Variants in CABCOCO1 observed in about 807,000 individuals in gnomAD.
CABCOCO1 encodes ciliary associated calcium binding coiled-coil 1, also known as ciliary-associated calcium-binding coiled-coil protein 1.
CABCOCO1 carries 28 observed loss-of-function variants against 35.7 expected under a neutral mutation model. That is an observed-to-expected ratio of 0.78 (90% CI 0.58 to 1.07). CABCOCO1 has a LOEUF of 1.07. Ranked by LOEUF, CABCOCO1 falls within the 50% of genes least tolerant of loss-of-function variation. The probability of loss-of-function intolerance (pLI) is 0.00; values close to 1 mark genes in which losing one functional copy is unlikely to be tolerated. For missense variants in CABCOCO1, 326 were observed against 309.2 expected, an observed-to-expected ratio of 1.05 and a Z score of -0.41; for synonymous variants, 95 against 100.1, an observed-to-expected ratio of 0.95 and a Z score of 0.30.
Position 61,760,078 on chromosome 10 carries a change from A to G in CABCOCO1, c.572A>G (p.Lys191Arg). Residue 191 changes from lysine to arginine, a missense_variant, in exon 6 of 8, where the codon AAG (lysine) becomes AGG (arginine). Lys to Arg is a conservative substitution (Grantham distance 26). Transcript: ENST00000648843. ...CATCAGCAAGTGATAGAGGTTGTCAAGTCTGCATGTGGCCCTTTCCCAAAT... is the reference window on the plus strand; with the variant it reads ...CATCAGCAAGTGATAGAGGTTGTCAGGTCTGCATGTGGCCCTTTCCCAAAT... ...IGTEQVIEVV[K>R]SACGPFPNPL... 6.2e-7 allele frequency: 1 copy of G among 1,612,936 alleles called. No homozygotes were observed. Among genetic ancestry groups the G allele is most frequent in the South Asian group, 1.1e-5 (1 of 91,040 alleles).
At chr10:61,736,893 T>C (rs375927983) in intron 5 of CABCOCO1, among the ~76,000 whole-genome samples, 3 of 152,100 alleles carry the variant, frequency 2.0e-5, no homozygotes, top group Non-Finnish European at 4.4e-5. Flanking sequence ...ATTTTATTGT[T>C]TTTTTGTGGC....
chr10:61,764,449 A>C (rs184112018), intron 7 of CABCOCO1, among the ~76,000 whole-genome samples: 4 of 152,232 alleles, frequency 2.6e-5, no homozygotes, highest in Admixed American at 2.6e-4. Context: ...GAATTCAAAA[A>C]CTAAAGTTTG....
At chr10:61,677,306 G>C (rs1024347316) in intron 2 of CABCOCO1, among the ~76,000 whole-genome samples, 2 of 151,914 alleles carry the variant, frequency 1.3e-5, no homozygotes, top group Non-Finnish European at 2.9e-5. Flanking sequence ...TTGGAGTTTT[G>C]GAAAGATCTT....
intron 5 of CABCOCO1, among the ~76,000 whole-genome samples, chr10:61,697,902 T>A (rs1480399127): frequency 6.6e-6 from 1 of 152,124 alleles, no homozygotes; most frequent in Non-Finnish European, 1.5e-5. Flanking sequence ...CTACCATATT[T>A]AAAATTTCAA....
chr10:61,668,467 T>G (rs774135879), intron 1 of CABCOCO1, among the ~76,000 whole-genome samples: 1 of 152,024 alleles, frequency 6.6e-6, no homozygotes, highest in Non-Finnish European at 1.5e-5. Context: ...CATGGTGACT[T>G]TTTAGAAAGC....
intron 1 of CABCOCO1, 158 bp downstream of exon 1, chr10:61,663,190 G>C (rs1589103065): frequency 5.3e-6 from 1 of 188,640 alleles, no homozygotes; most frequent in South Asian, 8.8e-5. Flanking sequence ...AGGGCGGCAG[G>C]GCTGGGAGCT....
At chr10:61,732,463 A>G (rs1841325415) in intron 5 of CABCOCO1, among the ~76,000 whole-genome samples, 1 of 136,056 alleles carries the variant, frequency 7.3e-6, no homozygotes, top group Non-Finnish European at 1.7e-5. Context: ...TAAATCTATC[A>G]ATAGTTGACT....
intron 5 of CABCOCO1, among the ~76,000 whole-genome samples, chr10:61,753,106 T>G (rs1841826240): frequency 6.6e-6 from 1 of 152,152 alleles, no homozygotes; most frequent in Non-Finnish European, 1.5e-5. Flanking sequence ...AAGAGTATTC[T>G]CTAATATGAG....
chr10:61,694,334 T>C (rs575562803), intron 5 of CABCOCO1, among the ~76,000 whole-genome samples: 48 of 148,716 alleles, frequency 3.2e-4, no homozygotes, highest in African/African-American at 1.1e-3. Context: ...TTTTAATACT[T>C]AATTATTATT....
intron 5 of CABCOCO1, among the ~76,000 whole-genome samples, chr10:61,704,628 C>T (rs749445092): frequency 2.0e-5 from 3 of 152,144 alleles, no homozygotes; most frequent in Non-Finnish European, 4.4e-5. Context: ...AGCTAAACTG[C>T]GCTCAGATCC....
chr10:61,724,761 T>C (rs1490693128), intron 5 of CABCOCO1, among the ~76,000 whole-genome samples: 3 of 152,116 alleles, frequency 2.0e-5, no homozygotes, highest in African/African-American at 7.2e-5. Context: ...GTAACACATG[T>C]TAAAGGGTTA....
rs1405326554 is a variant in CABCOCO1, at chr10:61,757,684, T to TAC, written c.553-2361_553-2360dup. 1.9e-4 allele frequency among the ~76,000 whole-genome samples: 20 copies of TAC among 105,334 alleles called. No homozygotes were observed. In the South Asian group the frequency reaches 2.1e-3, roughly 11 times the overall value. 69.1% of individuals were successfully genotyped at this position (105,334 alleles called of 152,430 possible). A position where few individuals can be genotyped will look rare whatever the true frequency, so the allele number is the denominator to read the frequency against. On this transcript the variant is annotated intron_variant, in intron 5 of 7. Transcript: ENST00000648843. ...TCCAAGTTTCCAAGTGTGTGCCCAG[T>TAC]ACACACACACACACAGACACACACA...
intron 2 of CABCOCO1, among the ~76,000 whole-genome samples, chr10:61,675,161 A>T (rs1398463914): frequency 2.0e-5 from 3 of 152,166 alleles, no homozygotes; most frequent in Non-Finnish European, 4.4e-5. Flanking sequence ...AAACACAGTG[A>T]ATCATCTTTC....
intron 5 of CABCOCO1, among the ~76,000 whole-genome samples, chr10:61,692,413 T>A (rs1265193054): frequency 6.6e-6 from 1 of 152,144 alleles, no homozygotes; most frequent in Non-Finnish European, 1.5e-5. Flanking sequence ...AGACTAAAGA[T>A]GCCATTAAAG....
At chr10:61,691,269 GAAGAC>G (rs1840131746) in intron 5 of CABCOCO1, among the ~76,000 whole-genome samples, 1 of 152,032 alleles carries the variant, frequency 6.6e-6, no homozygotes, top group Non-Finnish European at 1.5e-5. Flanking sequence ...TAATTTTCTT[GAAGAC>G]AAGGATATCT....
At chr10:61,723,669 C>A (rs1343894291) in intron 5 of CABCOCO1, among the ~76,000 whole-genome samples, 1 of 152,134 alleles carries the variant, frequency 6.6e-6, no homozygotes, top group Non-Finnish European at 1.5e-5. Flanking sequence ...TCACTGGGTC[C>A]TCACAGGGCA....
intron 5 of CABCOCO1, among the ~76,000 whole-genome samples, chr10:61,752,858 G>C (rs534959877): frequency 4.6e-5 from 7 of 152,102 alleles, no homozygotes; most frequent in African/African-American, 1.7e-4. Context: ...TGTGGACTTC[G>C]GGACTGAAGT....
At chr10:61,738,054 T>TA (rs36102340) in intron 5 of CABCOCO1, among the ~76,000 whole-genome samples, 14,758 of 141,604 alleles carry the variant, frequency 0.1, 872 homozygotes, top group Middle Eastern at 0.17. Flanking sequence ...ATATCTTATT[T>TA]AAAAAAAAAA....
intron 5 of CABCOCO1, among the ~76,000 whole-genome samples, chr10:61,700,061 A>G (rs1336646440): frequency 3.3e-5 from 5 of 152,152 alleles, no homozygotes; most frequent in Admixed American, 6.6e-5. Flanking sequence ...TAAGCCCATG[A>G]CCAGGAAATT....
Sources: allele counts gnomAD v4.1 joint callset (sites outside exome capture counted in the v4.1 genomes callset), GRCh38; gene constraint gnomAD v4.1.1; transcripts MANE v1.5; gene names NCBI Gene and HGNC (gene_info 2026-07-23, HGNC 2026-07-21).